Variants in CCDC146 observed in about 807,000 individuals in gnomAD.
CCDC146 encodes the protein coiled-coil domain containing 146, also known as coiled-coil domain-containing protein 146.
A neutral mutation model predicts 119.3 loss-of-function variants in CCDC146; 92 were observed. The observed-to-expected ratio is 0.77, with a 90% CI of 0.65 to 0.92. The LOEUF is 0.92. Ranked by LOEUF, CCDC146 falls within the 40% of genes least tolerant of loss-of-function variation. CCDC146 has a pLI of 0.00. For missense variants in CCDC146, 1,000 were observed against 1,103.0 expected (o/e 0.91, Z 1.32); for synonymous variants, 372 against 371.8 (o/e 1.00, Z -0.01).
At chr7:77,132,947 C>G (rs28870421) in intron 1 of CCDC146, among the ~76,000 whole-genome samples, 34,112 of 151,542 alleles carry the variant, frequency 0.23, 4,128 homozygotes, top group African/African-American at 0.28. Context: ...CAAGGTGGGT[C>G]GATCACCTGA....
intron 1 of CCDC146, among the ~76,000 whole-genome samples, chr7:77,140,153 C>G (rs529049133): frequency 8.7e-4 from 132 of 151,896 alleles, no homozygotes; most frequent in African/African-American, 3.0e-3. Context: ...CCTCGGCCTC[C>G]CAAAGTGCTG....
At chr7:77,287,216 A>G in intron 16 of CCDC146, 1 of 599,810 alleles carries the variant, frequency 1.7e-6, no homozygotes. Context: ...ATGGGAGCAC[A>G]TCAGAAGAAT....
At position 77,273,783 on chromosome 7, in the gene CCDC146, C is replaced by T. The variant is rs537948475; in HGVS notation, c.1263C>T (p.Ala421=). ...KEVEVAKRNL[A]QQKIISEMES... The stretch of plus-strand genomic sequence containing the variant: ...TTGAAGTAGCTAAGAGGAATTTGGC[C>T]CAACAGGTTAATATCAATGCTCATT... Residue 421 remains alanine, a synonymous_variant, in exon 10 of 19, where the codon GCC becomes GCT. Transcript: ENST00000285871. 2 of 1,603,304 alleles carry T rather than the reference C, an allele frequency of 1.2e-6. No homozygotes were observed. Among genetic ancestry groups the T allele is most frequent in the African/African-American group, 2.7e-5 (2 of 74,730 alleles).
At chr7:77,142,492 C>T (rs1490208947) in intron 1 of CCDC146, among the ~76,000 whole-genome samples, 1 of 151,578 alleles carries the variant, frequency 6.6e-6, no homozygotes, top group Non-Finnish European at 1.5e-5. Context: ...ATACATGTGC[C>T]ATGTATACAT....
chr7:77,192,359 C>T (rs1341999838), intron 2 of CCDC146, among the ~76,000 whole-genome samples: 2 of 152,194 alleles, frequency 1.3e-5, no homozygotes, highest in Non-Finnish European at 2.9e-5. Context: ...TGCCCAGGAT[C>T]ATACAGCTTG....
intron 3 of CCDC146, 115 bp downstream of exon 3, chr7:77,237,144 G>C: frequency 1.2e-6 from 1 of 804,104 alleles, no homozygotes; most frequent in Non-Finnish European, 2.1e-6. Flanking sequence ...AAGGATTTGC[G>C]TTCAGGGAGT....
At chr7:77,229,958 G>A (rs904142351) in intron 2 of CCDC146, among the ~76,000 whole-genome samples, 1 of 152,098 alleles carries the variant, frequency 6.6e-6, no homozygotes, top group Non-Finnish European at 1.5e-5. Context: ...CCTCACACTA[G>A]TTGTCTTATG....
chr7:77,178,240 GGGGTA>G (rs1791529991), intron 2 of CCDC146, among the ~76,000 whole-genome samples: 1 of 152,186 alleles, frequency 6.6e-6, no homozygotes, highest in Non-Finnish European at 1.5e-5. Flanking sequence ...CCAGGAATCT[GGGGTA>G]TTGTCAGAAC....
chr7:77,210,528 C>T (rs898988078), intron 2 of CCDC146, among the ~76,000 whole-genome samples: 2 of 152,216 alleles, frequency 1.3e-5, no homozygotes, highest in Non-Finnish European at 2.9e-5. Context: ...ATCTTCCTAT[C>T]TTCTTCTAAA....
intron 11 of CCDC146, among the ~76,000 whole-genome samples, 153 bp from the exon 12 acceptor site, chr7:77,278,599 C>T (rs1298238852): frequency 1.3e-5 from 2 of 151,964 alleles, no homozygotes; most frequent in Non-Finnish European, 2.9e-5. Flanking sequence ...GTGCACACCA[C>T]CATACCCAGA....
In CCDC146 at chr7:77,256,130, A is replaced by G. The variant is rs190197138; in HGVS notation, c.508-203A>G. On this transcript the variant is annotated intron_variant, in intron 5 of 18. Coordinates refer to ENST00000285871, the MANE Select transcript of CCDC146 (RefSeq NM_020879.3). ...TGTGTTTAATTATACATGCAGTATC[A>G]TTATCATGCCTTTGTTAAAGATGTC... 1.7e-4 allele frequency among the ~76,000 whole-genome samples: 26 copies of G among 152,376 alleles called. No homozygotes were observed. In the East Asian group the frequency reaches 4.0e-3, roughly 24 times the overall value.
intron 2 of CCDC146, among the ~76,000 whole-genome samples, chr7:77,211,418 G>T (rs866786319): frequency 1.3e-5 from 2 of 152,066 alleles, no homozygotes; most frequent in South Asian, 2.1e-4. Flanking sequence ...TGTATGTTTA[G>T]TCCTCTATCT....
At chr7:77,259,334 G>T in intron 7 of CCDC146, 1 of 351,808 alleles carries the variant, frequency 2.8e-6, no homozygotes, top group South Asian at 3.8e-5. Context: ...AAGTTCAATT[G>T]ACTTTAACAG....
intron 17 of CCDC146, among the ~76,000 whole-genome samples, chr7:77,290,663 C>T (rs189450284): frequency 1.3e-5 from 2 of 152,282 alleles, no homozygotes; most frequent in Admixed American, 6.5e-5. Flanking sequence ...AATGGCAAAA[C>T]TTATGACTCA....
At chr7:77,249,563 C>T (rs1044234597) in intron 4 of CCDC146, among the ~76,000 whole-genome samples, 8 of 149,130 alleles carry the variant, frequency 5.4e-5, no homozygotes, top group Non-Finnish European at 1.2e-4. Context: ...TAATGCCCCT[C>T]TTTGTCTCTG....
intron 2 of CCDC146, chr7:77,198,449 C>T (rs547579710): frequency 4.5e-5 from 11 of 243,102 alleles, no homozygotes; most frequent in South Asian, 1.6e-4. Context: ...GTGGAGTAGG[C>T]GATTAAGTCT....
intron 8 of CCDC146, among the ~76,000 whole-genome samples, chr7:77,260,934 CT>C (rs759750578): frequency 1.3e-5 from 2 of 151,992 alleles, no homozygotes; most frequent in Non-Finnish European, 2.9e-5. Context: ...AGCCTATGTC[CT>C]GCTTTTAAGT....
chr7:77,249,130 C>A (rs567448470), intron 4 of CCDC146, among the ~76,000 whole-genome samples: 1 of 152,318 alleles, frequency 6.6e-6, no homozygotes, highest in Non-Finnish European at 1.5e-5. Flanking sequence ...GATTCATCTA[C>A]TTCTCCTTGC....
Position 77,264,881 on chromosome 7 carries a change from G to A in CCDC146, c.1173+2574G>A, listed in dbSNP as rs916769276. Among the ~76,000 whole-genome samples, 7 of 151,972 alleles carry A rather than the reference G, an allele frequency of 4.6e-5. No homozygotes were observed. In the East Asian group the frequency reaches 1.2e-3, roughly 25 times the overall value. Reference sequence around the variant, plus strand: ...ACATTCTATTTCTATTCTTTGGGTGGTTACCCTGAAGATTACAACAGTCAT... The same window carrying A: ...ACATTCTATTTCTATTCTTTGGGTGATTACCCTGAAGATTACAACAGTCAT... On this transcript the variant is annotated intron_variant, in intron 9 of 18. Coordinates refer to ENST00000285871, the MANE Select transcript of CCDC146 (RefSeq NM_020879.3).
Sources: allele counts gnomAD v4.1 joint callset (sites outside exome capture counted in the v4.1 genomes callset), GRCh38; gene constraint gnomAD v4.1.1; transcripts MANE v1.5; gene names NCBI Gene and HGNC (gene_info 2026-07-23, HGNC 2026-07-21).